The following MND1 variants were observed in gnomAD, a reference collection of about 807,000 sequenced individuals.
MND1 encodes meiotic nuclear divisions 1, also known as meiotic nuclear division protein 1 homolog.
Under a neutral mutation model 35.1 loss-of-function variants are expected in MND1, and 28 were observed. The ratio of observed to expected loss-of-function variants is 0.80; its 90% CI spans 0.59 to 1.09. The LOEUF is 1.09. MND1 is among the 50% of genes least tolerant of loss of function. The pLI, the probability that MND1 is intolerant of heterozygous loss-of-function variation, is 0.00. For synonymous variants in MND1, 69 were observed against 70.5 expected, an observed-to-expected ratio of 0.98 and a Z score of 0.11; for missense variants, 213 against 239.6, an observed-to-expected ratio of 0.89 and a Z score of 0.73.
intron 4 of MND1, among the ~76,000 whole-genome samples, chr4:153,390,384 A>G (rs1183871171): frequency 6.6e-6 from 1 of 152,220 alleles, no homozygotes; most frequent in Non-Finnish European, 1.5e-5. Flanking sequence ...TGTATTACCA[A>G]GATACTTAAA....
At chr4:153,396,000 C>T (rs1408985736) in intron 5 of MND1, among the ~76,000 whole-genome samples, 8 of 152,162 alleles carry the variant, frequency 5.3e-5, no homozygotes, top group Non-Finnish European at 1.2e-4. Flanking sequence ...GCTGGTACTA[C>T]AGGCAGGCAC....
chr4:153,393,743 A>G (rs1729113160), intron 4 of MND1, among the ~76,000 whole-genome samples: 1 of 151,900 alleles, frequency 6.6e-6, no homozygotes, highest in African/African-American at 2.4e-5. Context: ...GGGGAACCTA[A>G]TAAATGGAGA....
intron 4 of MND1, among the ~76,000 whole-genome samples, chr4:153,359,693 G>A (rs563364907): frequency 6.8e-6 from 1 of 147,124 alleles, no homozygotes; most frequent in Admixed American, 6.8e-5. Context: ...TCAGTGTCTT[G>A]TATTTTAGCC....
intron 4 of MND1, among the ~76,000 whole-genome samples, chr4:153,361,879 C>A (rs1773503587): frequency 1.3e-5 from 2 of 152,064 alleles, no homozygotes; most frequent in South Asian, 4.2e-4. Context: ...ATTACTTAAG[C>A]TGTTTCCTGT....
intron 6 of MND1, among the ~76,000 whole-genome samples, chr4:153,399,827 G>A (rs1353511659): frequency 6.7e-6 from 1 of 149,542 alleles, no homozygotes; most frequent in Non-Finnish European, 1.5e-5. Context: ...AGTATTATGA[G>A]TATTACAGTA....
chr4:153,344,679 C>T (rs1316277606), upstream of MND1: 3 of 1,506,844 alleles, frequency 2.0e-6, no homozygotes, highest in African/African-American at 1.4e-5. Context: ...GCGTCCTGGC[C>T]TGTCCCGCCC....
chr4:153,366,085 C>G (rs1773630247), intron 4 of MND1, among the ~76,000 whole-genome samples: 1 of 152,210 alleles, frequency 6.6e-6, no homozygotes, highest in South Asian at 2.1e-4. Context: ...TTGCCTCTTT[C>G]AATTTCTGTG....
chr4:153,391,619 C>G (rs891505577), intron 4 of MND1, among the ~76,000 whole-genome samples: 30 of 151,546 alleles, frequency 2.0e-4, no homozygotes, highest in African/African-American at 4.6e-4. Context: ...CCCAGCTACT[C>G]CAGAGGCTGA....
chr4:153,353,591 T>C (rs1773272720), intron 2 of MND1, among the ~76,000 whole-genome samples: 1 of 151,780 alleles, frequency 6.6e-6, no homozygotes, highest in Non-Finnish European at 1.5e-5. Flanking sequence ...TCGTTTCATT[T>C]TCTTTATAGT....
At chr4:153,406,250 G>A (rs995368867) in intron 6 of MND1, among the ~76,000 whole-genome samples, 10 of 152,092 alleles carry the variant, frequency 6.6e-5, no homozygotes, top group Non-Finnish European at 8.8e-5. Flanking sequence ...GGCTGGGCGC[G>A]GTGTCTCATG....
intron 6 of MND1, among the ~76,000 whole-genome samples, chr4:153,407,924 G>GA (rs1002595361): frequency 2.8e-4 from 42 of 152,196 alleles, no homozygotes; most frequent in African/African-American, 1.0e-3. Context: ...TCTGGGTGAT[G>GA]AAAAAATGTT....
At chr4:153,386,294 C>T (rs900043940) in intron 4 of MND1, among the ~76,000 whole-genome samples, 1 of 147,114 alleles carries the variant, frequency 6.8e-6, no homozygotes, top group Non-Finnish European at 1.5e-5. Flanking sequence ...AGTCTGAGAC[C>T]AGCCTGGGCA....
intron 4 of MND1, among the ~76,000 whole-genome samples, chr4:153,362,494 C>G (rs900147455): frequency 3.9e-5 from 6 of 152,086 alleles, no homozygotes; most frequent in Middle Eastern, 3.2e-3. Flanking sequence ...TGAGGCCTCC[C>G]CAGAAGCAGA....
intron 6 of MND1, among the ~76,000 whole-genome samples, 192 bp from the exon 7 acceptor site, chr4:153,408,779 G>A (rs533360716): frequency 2.2e-4 from 33 of 151,754 alleles, no homozygotes; most frequent in Non-Finnish European, 4.4e-4. Context: ...TTGGGAATTT[G>A]CAAGAGTTTG....
At position 153,408,767 on chromosome 4, in the gene MND1, C is replaced by T. The variant is rs1729590278; in HGVS notation, c.467-204C>T. ...AATACTACTGCAACTCCCTAAATTT[C>T]CTTGGGAATTTGCAAGAGTTTGTAA... On this transcript the variant is annotated intron_variant, in intron 6 of 7. Transcript: ENST00000240488. Among the ~76,000 whole-genome samples, 5 of 151,920 alleles carry T rather than the reference C, an allele frequency of 3.3e-5. No homozygotes were observed. In the South Asian group the frequency reaches 1.0e-3, roughly 32 times the overall value.
rs1190311904 is a variant in MND1 at position 153,384,770 on chromosome 4, CCTT to C, written c.277-9491_277-9489del. On this transcript the variant is annotated intron_variant, in intron 4 of 7. Transcript: ENST00000240488. ...GTACTTATTAAGTGGCTTCACTTGT[CCTT>C]TATGTTTCTTACTTGATGGGATTTT... is the stretch of plus-strand genomic sequence containing the variant. Among the ~76,000 whole-genome samples, 5 of 152,000 alleles carry C rather than the reference CCTT, an allele frequency of 3.3e-5. 1 individual carries two copies. The highest frequency in any genetic ancestry group is 3.3e-4 in the Admixed American group (5 of 15,266).
chr4:153,404,378 A>G (rs1246996835), intron 6 of MND1, among the ~76,000 whole-genome samples: 1 of 143,156 alleles, frequency 7.0e-6, no homozygotes, highest in Non-Finnish European at 1.5e-5. Flanking sequence ...TTTTTAGTAG[A>G]GATGAGGTTT....
chr4:153,384,698 T>C (rs186136520), intron 4 of MND1, among the ~76,000 whole-genome samples: 27 of 152,248 alleles, frequency 1.8e-4, no homozygotes, highest in Admixed American at 2.6e-4. Flanking sequence ...TTGTAATTGA[T>C]TGTGGTCCTA....
chr4:153,412,059 G>T (rs1218550340), intron 7 of MND1, among the ~76,000 whole-genome samples: 1 of 152,090 alleles, frequency 6.6e-6, no homozygotes, highest in Non-Finnish European at 1.5e-5. Flanking sequence ...TTCTCTCTTA[G>T]GTTGTTAGGA....
Sources: gnomAD v4.1 joint callset for allele counts (sites outside exome capture counted in the v4.1 genomes callset) on GRCh38, gnomAD v4.1.1 for gene constraint, MANE v1.5 for transcripts, NCBI Gene and HGNC (gene_info 2026-07-23, HGNC 2026-07-21) for gene names.